Variants in KAT2B observed in about 807,000 individuals in gnomAD.
KAT2B encodes lysine acetyltransferase 2B, also known as histone acetyltransferase KAT2B.
A neutral mutation model predicts 105.9 loss-of-function variants in KAT2B; 36 were observed. The observed-to-expected ratio is 0.34, with a 90% CI of 0.26 to 0.45. The LOEUF (loss-of-function observed/expected upper bound fraction) is 0.45. KAT2B is among the 20% of genes least tolerant of loss of function. KAT2B has a pLI of 1.00. For synonymous variants in KAT2B, 397 were observed against 377.9 expected, an observed-to-expected ratio of 1.05 and a Z score of -0.59; for missense variants, 820 against 1,021.6, an observed-to-expected ratio of 0.80 and a Z score of 2.69.
chr3:20,118,670 G>A (rs1163295665), intron 7 of KAT2B, among the ~76,000 whole-genome samples: 2 of 140,762 alleles, frequency 1.4e-5, no homozygotes, highest in Non-Finnish European at 1.5e-5. Flanking sequence ...AGGTTGCAGT[G>A]AGCCAAGATT....
intron 1 of KAT2B, among the ~76,000 whole-genome samples, chr3:20,044,344 G>A (rs1697768800): frequency 1.3e-5 from 2 of 151,938 alleles, no homozygotes; most frequent in African/African-American, 4.8e-5. Flanking sequence ...ACCAGGCGTG[G>A]TGGCAGAGGT....
chr3:20,098,265 G>C (rs1192530684), intron 3 of KAT2B, among the ~76,000 whole-genome samples: 3 of 151,540 alleles, frequency 2.0e-5, no homozygotes, highest in African/African-American at 7.3e-5. Flanking sequence ...CTTAGATGTT[G>C]AACATAAACC....
chr3:20,056,967 T>C (rs1213417480), intron 1 of KAT2B, among the ~76,000 whole-genome samples: 1 of 152,196 alleles, frequency 6.6e-6, no homozygotes. Flanking sequence ...CTTGACGTTC[T>C]TAAGTGGCAT....
At chr3:20,121,845 A>G (rs548841919) in intron 8 of KAT2B, among the ~76,000 whole-genome samples, 1 of 151,622 alleles carries the variant, frequency 6.6e-6, no homozygotes, top group South Asian at 2.1e-4. Context: ...GCCTGCCAAG[A>G]TTGAATGAGA....
intron 2 of KAT2B, among the ~76,000 whole-genome samples, chr3:20,078,157 G>A (rs1187887310): frequency 6.6e-6 from 1 of 152,086 alleles, no homozygotes; most frequent in African/African-American, 2.4e-5. Context: ...TCCAGCCTGG[G>A]TGGCAGAGTG....
At chr3:20,065,731 A>G (rs1698212057) in intron 1 of KAT2B, among the ~76,000 whole-genome samples, 1 of 151,286 alleles carries the variant, frequency 6.6e-6, no homozygotes, top group Admixed American at 6.7e-5. Flanking sequence ...ACAAGTAAGG[A>G]AAACTCAAGG....
intron 7 of KAT2B, among the ~76,000 whole-genome samples, chr3:20,117,644 A>G (rs1031606126): frequency 1.3e-5 from 2 of 152,066 alleles, no homozygotes; most frequent in African/African-American, 4.8e-5. Flanking sequence ...TGGTTTACTT[A>G]TTTTATTGCC....
chr3:20,115,636 T>G (rs147272751), intron 7 of KAT2B, among the ~76,000 whole-genome samples: 1,803 of 152,270 alleles, frequency 0.012, 14 homozygotes, highest in South Asian at 0.026. Context: ...GAAGTATAAT[T>G]TATATATAGT....
Position 20,087,952 on chromosome 3 carries a change from A to AAT in KAT2B, c.431-7311_431-7310insAT, listed in dbSNP as rs553205705. The stretch of plus-strand genomic sequence containing the variant: ...ACCATACCTAGCTAATTAAAAAAAA[A>AAT]TTTTTTTTTGTAGAGACAGGGTCTT... On this transcript the variant is annotated intron_variant, in intron 2 of 17. Coordinates refer to ENST00000263754, the MANE Select transcript of KAT2B (RefSeq NM_003884.5). Among the ~76,000 whole-genome samples, 860 of 151,286 alleles carry AAT rather than the reference A, an allele frequency of 5.7e-3. 7 individuals carry two copies. The highest frequency in any genetic ancestry group is 0.02 in the African/African-American group (819 of 41,168).
Position 20,075,792 on chromosome 3 carries a change from A to G in KAT2B, c.430+3333A>G, listed in dbSNP as rs961837867. On this transcript the variant is annotated intron_variant, in intron 2 of 17. Transcript: ENST00000263754. ...CAGCAACCTGGAAGCTTGAGCCTGT[A>G]ATCCCAGCTACTTGGGAGACTGAGG... 5.3e-5 allele frequency among the ~76,000 whole-genome samples: 8 copies of G among 152,012 alleles called. No individual in the cohort carries two copies. The East Asian group carries it at 1.2e-3, about 22-fold the overall frequency.
intron 5 of KAT2B, among the ~76,000 whole-genome samples, chr3:20,102,279 T>A (rs901569291): frequency 6.6e-6 from 1 of 152,076 alleles, no homozygotes; most frequent in Non-Finnish European, 1.5e-5. Flanking sequence ...TCGTGCACTC[T>A]GGGCAACAGA....
intron 10 of KAT2B, 24 bp downstream of exon 10, chr3:20,126,137 C>T (rs1302799238): frequency 6.5e-7 from 1 of 1,545,066 alleles, no homozygotes; most frequent in Non-Finnish European, 8.8e-7. Flanking sequence ...TCTGTTCCTT[C>T]TTCCTTATTT....
chr3:20,113,023 A>G (rs1427868971), intron 6 of KAT2B, among the ~76,000 whole-genome samples: 3 of 152,226 alleles, frequency 2.0e-5, no homozygotes, highest in East Asian at 1.9e-4. Flanking sequence ...ATTTGCACAT[A>G]TATTTCAACA....
chr3:20,085,665 CA>C (rs1477370852), intron 2 of KAT2B, among the ~76,000 whole-genome samples: 1 of 151,944 alleles, frequency 6.6e-6, no homozygotes, highest in Admixed American at 6.6e-5. Context: ...CATGCACCAC[CA>C]CACCCGGCTA....
At chr3:20,099,547 C>T (rs926756071) in intron 3 of KAT2B, among the ~76,000 whole-genome samples, 3 of 152,278 alleles carry the variant, frequency 2.0e-5, no homozygotes, top group Admixed American at 6.5e-5. Flanking sequence ...GAGGGAAGTG[C>T]ATGGGACGGT....
At chr3:20,058,722 A>G (rs1451163268) in intron 1 of KAT2B, among the ~76,000 whole-genome samples, 1 of 152,162 alleles carries the variant, frequency 6.6e-6, no homozygotes, top group African/African-American at 2.4e-5. Context: ...GTGAACTGGA[A>G]GGATTGTCAC....
At chr3:20,043,082 C>T (rs901159177) in intron 1 of KAT2B, among the ~76,000 whole-genome samples, 1 of 151,872 alleles carries the variant, frequency 6.6e-6, no homozygotes, top group African/African-American at 2.4e-5. Flanking sequence ...TATTTGTATT[C>T]TTTGTAGAGA....
At position 20,040,720 on chromosome 3, in the gene KAT2B, A is replaced by G. The variant is rs978866993; in HGVS notation, c.243A>G (p.Gln81=). Residue 81 remains glutamine (Q), a synonymous_variant, in exon 1 of 18, where the codon CAA becomes CAG. Transcript: ENST00000263754. The part of the protein sequence containing the change: ...GSARIAVKKA[Q]LRSAPRAKKL... ...CCCGAATCGCCGTGAAGAAAGCGCA[A>G]CTACGCTCCGCTCCGCGGGCCAAGA... is the stretch of plus-strand genomic sequence containing the variant. 1.3e-6 allele frequency: 2 copies of G among 1,596,162 alleles called. No homozygotes were observed. The highest frequency in any genetic ancestry group is 2.2e-5 in the South Asian group (2 of 90,682).
intron 1 of KAT2B, among the ~76,000 whole-genome samples, chr3:20,067,502 C>G (rs971295645): frequency 1.3e-5 from 2 of 152,166 alleles, no homozygotes; most frequent in Admixed American, 1.3e-4. Flanking sequence ...TGAACTTAGT[C>G]TGTTGCAACA....
Sources: allele counts gnomAD v4.1 joint callset (sites outside exome capture counted in the v4.1 genomes callset), GRCh38; gene constraint gnomAD v4.1.1; transcripts MANE v1.5; gene names NCBI Gene and HGNC (gene_info 2026-07-23, HGNC 2026-07-21).